Variants in TLCD3A observed in about 807,000 individuals in gnomAD.
TLCD3A encodes the protein TLC domain containing 3A, also known as TLC domain-containing protein 3A.
In TLCD3A, 17 loss-of-function variants were observed where a neutral mutation model predicts 29.9. The observed-to-expected ratio is 0.57, with a 90% CI of 0.39 to 0.85. The LOEUF is 0.85. Among genes scored for constraint, TLCD3A ranks in the 40% least tolerant of loss-of-function variants. The pLI is 0.00. For missense variants in TLCD3A, 332 were observed against 350.8 expected, an observed-to-expected ratio of 0.95 and a Z score of 0.43; for synonymous variants, 143 against 147.7, an observed-to-expected ratio of 0.97 and a Z score of 0.23.
At chr17:735,457 T>A (rs916716807) in intron 2 of TLCD3A, among the ~76,000 whole-genome samples, 4 of 152,216 alleles carry the variant, frequency 2.6e-5, no homozygotes, top group Non-Finnish European at 1.5e-5. Context: ...CTAATAAATC[T>A]TCAGAGGATT....
At chr17:736,806 C>T (rs1443933605) in intron 2 of TLCD3A, among the ~76,000 whole-genome samples, 1 of 151,670 alleles carries the variant, frequency 6.6e-6, no homozygotes, top group East Asian at 2.0e-4. Flanking sequence ...CAGGTGCACA[C>T]CACCATGCCC....
rs1297545080 is a variant in TLCD3A, at chr17:732,627, G to A, written c.-21G>A. The A allele has an allele frequency of 1.6e-6, 2 of 1,231,942 alleles. No homozygotes were observed. The highest frequency in any genetic ancestry group is 2.0e-6 in the Non-Finnish European group (2 of 988,150). 76.3% of individuals were successfully genotyped at this position (1,231,942 alleles called of 1,614,324 possible). A position where few individuals can be genotyped will look rare whatever the true frequency, so the allele number is the denominator to read the frequency against. ...AACCCAGCCACGCGGCGCCAGCGAG[G>A]CGGCCGGACCCGCAGCCCCGATGCT... On this transcript the variant is annotated 5_prime_UTR_variant, in exon 1 of 5. Coordinates refer to ENST00000308278, the MANE Select transcript of TLCD3A (RefSeq NM_024792.3).
At chr17:740,287 G>A (rs1013390423) in intron 3 of TLCD3A, among the ~76,000 whole-genome samples, 3 of 152,206 alleles carry the variant, frequency 2.0e-5, no homozygotes, top group African/African-American at 7.2e-5. Context: ...AGAGCTTGGT[G>A]TGGGACGCCG....
Position 736,074 on chromosome 17 carries a change from TATTC to T in TLCD3A, c.207-1768_207-1765del, listed in dbSNP as rs138903345. Among the ~76,000 whole-genome samples, 639 of 152,034 alleles carry T rather than the reference TATTC, an allele frequency of 4.2e-3. 5 individuals carry two copies. Among genetic ancestry groups the T allele is most frequent in the African/African-American group, 0.014 (574 of 41,436 alleles). On this transcript the variant is annotated intron_variant, in intron 2 of 4. Coordinates refer to ENST00000308278, the MANE Select transcript of TLCD3A (RefSeq NM_024792.3). ...CCATTACTTGCTTGCCTTATTTGTTTATTCATTATTTACGCCGTGGTAAGTGTGG... is the reference window on the plus strand; with the variant it reads ...CCATTACTTGCTTGCCTTATTTGTTTATTATTTACGCCGTGGTAAGTGTGG...
At position 742,679 on chromosome 17, in the gene TLCD3A, G is replaced by C. The variant is rs1974277607; in HGVS notation, c.*1109G>C. 1 of 152,552 alleles carries C rather than the reference G, an allele frequency of 6.6e-6. No homozygotes were observed. Among genetic ancestry groups the C allele is most frequent in the Non-Finnish European group, 1.5e-5 (1 of 68,048 alleles). 9.4% of individuals were successfully genotyped at this position (152,552 alleles called of 1,614,324 possible). ...CCGACACCTGCGCCCCCTTCTGCAA[G>C]CAGGATTTTCTGGTGCCAACACTCA... is the stretch of plus-strand genomic sequence containing the variant. On this transcript the variant is annotated 3_prime_UTR_variant, in exon 5 of 5. Coordinates refer to ENST00000308278, the MANE Select transcript of TLCD3A (RefSeq NM_024792.3).
rs200879676 is a variant in TLCD3A, at chr17:740,579, G to A, written c.483G>A (p.Ser161=). Residue 161 remains serine (S), a synonymous_variant, in exon 4 of 5, where the codon TCG becomes TCA. Coordinates refer to ENST00000308278, the MANE Select transcript of TLCD3A (RefSeq NM_024792.3). ...CAGAACTGAGCACTCCGTTTGTGTC[G>A]CTGGGCAGGGTTCTGATTCAGGCAT... is the stretch of plus-strand genomic sequence containing the variant. The part of the protein sequence containing the change: ...FTAELSTPFV[S]LGRVLIQLKQ... 27 of 1,613,912 alleles carry A rather than the reference G, an allele frequency of 1.7e-5. No homozygotes were observed. Among genetic ancestry groups the A allele is most frequent in the African/African-American group, 9.3e-5 (7 of 75,018 alleles).
intron 2 of TLCD3A, among the ~76,000 whole-genome samples, chr17:734,165 G>C (rs900202612): frequency 1.3e-5 from 2 of 150,652 alleles, no homozygotes; most frequent in African/African-American, 2.4e-5. Flanking sequence ...GTGTGGCTGG[G>C]TACAATTTTT....
chr17:733,967 C>A (rs996370396), intron 2 of TLCD3A, among the ~76,000 whole-genome samples: 3 of 152,194 alleles, frequency 2.0e-5, no homozygotes, highest in Non-Finnish European at 2.9e-5. Context: ...TGAGACTGAA[C>A]TGCGAGGGGC....
At chr17:737,301 C>T (rs186232964) in intron 2 of TLCD3A, among the ~76,000 whole-genome samples, 32 of 152,280 alleles carry the variant, frequency 2.1e-4, no homozygotes, top group Non-Finnish European at 4.0e-4. Context: ...TGTGAGCCAC[C>T]GAACCCGGCC....
intron 2 of TLCD3A, among the ~76,000 whole-genome samples, chr17:734,827 C>T (rs1470333326): frequency 6.6e-6 from 1 of 152,014 alleles, no homozygotes; most frequent in Non-Finnish European, 1.5e-5. Context: ...AGGTGGTTTT[C>T]TCAATTTAAG....
At position 739,218 on chromosome 17, in the gene TLCD3A, A is replaced by G. The variant is rs1255179502; in HGVS notation, c.408+1171A>G. On this transcript the variant is annotated intron_variant, in intron 3 of 4. Transcript: ENST00000308278. ...ATTTATTTAGTTATTCATTTTTTTGAGATGGCGTTTTGCTCTTGTTGCCCA... is the reference window on the plus strand; with the variant it reads ...ATTTATTTAGTTATTCATTTTTTTGGGATGGCGTTTTGCTCTTGTTGCCCA... Among the ~76,000 whole-genome samples, 3 of 151,396 alleles carry G rather than the reference A, an allele frequency of 2.0e-5. No individual in the cohort carries two copies. In the East Asian group the frequency reaches 5.9e-4, roughly 30 times the overall value.
chr17:735,362 G>A (rs1232574461), intron 2 of TLCD3A, among the ~76,000 whole-genome samples: 1 of 152,322 alleles, frequency 6.6e-6, no homozygotes, highest in Middle Eastern at 3.4e-3. Context: ...TGACAGGTAA[G>A]ACAGACAAGG....
chr17:733,384 G>A (rs1974107033), intron 2 of TLCD3A, among the ~76,000 whole-genome samples: 1 of 152,248 alleles, frequency 6.6e-6, no homozygotes, highest in Non-Finnish European at 1.5e-5. Context: ...CAGAGTCGGA[G>A]TCTGATTTCA....
intron 2 of TLCD3A, among the ~76,000 whole-genome samples, chr17:735,029 T>C (rs1004908041): frequency 1.5e-4 from 23 of 151,826 alleles, no homozygotes; most frequent in African/African-American, 5.1e-4. Context: ...CCCCGCCGCC[T>C]TTCTTTTTAT....
At position 741,662 on chromosome 17, in the gene TLCD3A, T is replaced by C; in HGVS notation, c.*92T>C. ...ATTGTGCCCTGGGTAGCCTCAGACT[T>C]TGGGTATTGATAAGCCGATGGATTT... On this transcript the variant is annotated 3_prime_UTR_variant, in exon 5 of 5. Coordinates refer to ENST00000308278, the MANE Select transcript of TLCD3A (RefSeq NM_024792.3). The C allele has an allele frequency of 6.9e-7, 1 of 1,456,376 alleles. No homozygotes were observed. Among genetic ancestry groups the C allele is most frequent in the Non-Finnish European group, 9.3e-7 (1 of 1,075,418 alleles). The allele number at this position is 1,456,376 out of a possible 1,614,324, so 90.2% of individuals were successfully genotyped here.
chr17:732,790 C>G (rs1369024247), intron 1 of TLCD3A, 21 bp downstream of exon 1: 1 of 1,439,670 alleles, frequency 6.9e-7, no homozygotes, highest in Non-Finnish European at 9.1e-7. Flanking sequence ...CGCCGAGACG[C>G]CCCCCGAGGC....
In TLCD3A at chr17:737,922, G is replaced by A. The variant is rs1393525283; in HGVS notation, c.283G>A (p.Glu95Lys). ...TGACTCGTACGCCATGTACCTCTGTGAATGGTGCCGAACCAGAGACCAGAA... is the reference window on the plus strand; with the variant it reads ...TGACTCGTACGCCATGTACCTCTGTAAATGGTGCCGAACCAGAGACCAGAA... ...IYDSYAMYLCEWCRTRDQNRA... is the reference protein window; with the variant it reads ...IYDSYAMYLCKWCRTRDQNRA... The change falls in exon 3 of 5, where the codon GAA (glutamate) becomes AAA (lysine). Residue 95 changes from glutamate to lysine, a missense_variant. Glu to Lys is a moderately conservative substitution (Grantham distance 56). Transcript: ENST00000308278. 1 of 1,613,932 alleles carries A rather than the reference G, an allele frequency of 6.2e-7. No homozygotes were observed. Among genetic ancestry groups the A allele is most frequent in the East Asian group, 2.2e-5 (1 of 44,856 alleles).
intron 2 of TLCD3A, among the ~76,000 whole-genome samples, chr17:734,184 TC>T (rs1567769100): frequency 1.0e-4 from 13 of 126,054 alleles, no homozygotes; most frequent in African/African-American, 2.3e-4. Flanking sequence ...TTCTTCTTCT[TC>T]TTCTTCTTTT....
rs73975096 is a variant in TLCD3A at position 741,623 on chromosome 17, A to G, written c.*53A>G. 1,135 of 1,590,804 alleles carry G rather than the reference A, an allele frequency of 7.1e-4. 3 individuals are homozygous for G. In the African/African-American group the frequency reaches 0.011, roughly 15 times the overall value. ...ACACCAGCTGCCTCCTCCACTCAGC[A>G]TTCCATGGACCAAATTGTGCCCTGG... is the stretch of plus-strand genomic sequence containing the variant. On this transcript the variant is annotated 3_prime_UTR_variant, in exon 5 of 5. Coordinates refer to ENST00000308278, the MANE Select transcript of TLCD3A (RefSeq NM_024792.3).
Sources: gnomAD v4.1 joint callset for allele counts (sites outside exome capture counted in the v4.1 genomes callset) on GRCh38, gnomAD v4.1.1 for gene constraint, MANE v1.5 for transcripts, NCBI Gene and HGNC (gene_info 2026-07-23, HGNC 2026-07-21) for gene names.